Variants in WWOX observed in about 807,000 individuals in gnomAD.
The protein encoded by WWOX is WW domain-containing oxidoreductase.
Under a neutral mutation model 46.2 loss-of-function variants are expected in WWOX, and 69 were observed. That is an observed-to-expected ratio of 1.49 (90% CI 1.23 to 1.82). WWOX has a LOEUF of 1.82. WWOX is among the 40% of genes most tolerant of loss of function. WWOX has a pLI of 0.00. For missense variants in WWOX, 919 were observed against 542.6 expected (o/e 1.69, Z -6.89); for synonymous variants, 359 against 202.6 (o/e 1.77, Z -6.56).
intron 8 of WWOX, among the ~76,000 whole-genome samples, chr16:78,968,607 C>G (rs957050896): frequency 2.6e-5 from 4 of 152,204 alleles, no homozygotes; most frequent in Admixed American, 6.5e-5. Flanking sequence ...CCCAAGGACC[C>G]TGTTGAGAGG....
At chr16:78,338,219 A>C (rs1192317278) in intron 5 of WWOX, among the ~76,000 whole-genome samples, 1 of 120,748 alleles carries the variant, frequency 8.3e-6, no homozygotes, top group East Asian at 1.9e-4. Context: ...GCAGCATGCA[A>C]ATTTACTATC....
At chr16:78,128,237 C>G (rs2033442352) in intron 4 of WWOX, among the ~76,000 whole-genome samples, 1 of 151,890 alleles carries the variant, frequency 6.6e-6, no homozygotes. Context: ...CTGCAAATAT[C>G]TTCTTCAGGG....
intron 8 of WWOX, among the ~76,000 whole-genome samples, chr16:78,619,595 C>A (rs954727267): frequency 1.3e-5 from 2 of 151,608 alleles, no homozygotes; most frequent in Non-Finnish European, 2.9e-5. Context: ...TAAATGGAGG[C>A]AATAGTGATA....
intron 8 of WWOX, among the ~76,000 whole-genome samples, chr16:79,068,490 C>T (rs1261072761): frequency 2.0e-5 from 3 of 152,012 alleles, no homozygotes; most frequent in African/African-American, 7.2e-5. Context: ...TCAGAAAGCA[C>T]TGCACGTGTA....
At chr16:78,997,543 C>G (rs560745334) in intron 8 of WWOX, among the ~76,000 whole-genome samples, 2 of 152,194 alleles carry the variant, frequency 1.3e-5, no homozygotes, top group Admixed American at 6.5e-5. Flanking sequence ...CTGGCTTTCA[C>G]CTAAACAATA....
intron 8 of WWOX, among the ~76,000 whole-genome samples, chr16:78,478,233 C>T (rs4887963): frequency 0.018 from 2,726 of 152,250 alleles, 41 homozygotes; most frequent in Non-Finnish European, 0.031. Flanking sequence ...AAGGCTGTTA[C>T]AAAATACTGT....
At chr16:78,889,003 G>T (rs577672632) in intron 8 of WWOX, among the ~76,000 whole-genome samples, 5 of 151,788 alleles carry the variant, frequency 3.3e-5, no homozygotes, top group African/African-American at 7.3e-5. Context: ...ACCACCTCCA[G>T]CTCCCCCTAG....
chr16:78,130,409 G>C (rs993192442), intron 4 of WWOX, among the ~76,000 whole-genome samples: 2 of 152,144 alleles, frequency 1.3e-5, no homozygotes, highest in African/African-American at 2.4e-5. Context: ...TGACCATGCT[G>C]CCACCTTGAC....
chr16:78,650,278 G>C (rs2046937412), intron 8 of WWOX, among the ~76,000 whole-genome samples: 1 of 152,190 alleles, frequency 6.6e-6, no homozygotes, highest in Non-Finnish European at 1.5e-5. Flanking sequence ...TGAAGATGAA[G>C]AAGTATGTGT....
At chr16:78,456,332 G>A (rs1213985689) in intron 8 of WWOX, among the ~76,000 whole-genome samples, 1 of 152,174 alleles carries the variant, frequency 6.6e-6, no homozygotes, top group Admixed American at 6.5e-5. Flanking sequence ...TGAGAGGCAA[G>A]AGAAGAAAAT....
At chr16:79,157,492 C>G (rs956675628) in intron 8 of WWOX, among the ~76,000 whole-genome samples, 53 of 151,416 alleles carry the variant, frequency 3.5e-4, no homozygotes, top group African/African-American at 1.2e-3. Flanking sequence ...GAAGGTTGAA[C>G]TAGAATAGGT....
intron 8 of WWOX, among the ~76,000 whole-genome samples, chr16:79,053,905 G>C (rs1206967092): frequency 6.6e-6 from 1 of 152,064 alleles, no homozygotes; most frequent in Non-Finnish European, 1.5e-5. Flanking sequence ...CCCAGCCATA[G>C]AAAGTGAGAG....
chr16:78,821,164 A>G (rs1340299575), intron 8 of WWOX, among the ~76,000 whole-genome samples: 4 of 151,860 alleles, frequency 2.6e-5, no homozygotes, highest in African/African-American at 7.3e-5. Flanking sequence ...CCTTTCTCCT[A>G]TTTGCCTTCT....
intron 8 of WWOX, among the ~76,000 whole-genome samples, chr16:78,788,899 G>T (rs1000635558): frequency 6.6e-6 from 1 of 152,214 alleles, no homozygotes; most frequent in African/African-American, 2.4e-5. Context: ...ACTCCCAGCT[G>T]CTGTCCCCTG....
intron 8 of WWOX, among the ~76,000 whole-genome samples, chr16:78,881,497 A>G (rs990925002): frequency 1.3e-5 from 2 of 152,224 alleles, no homozygotes; most frequent in African/African-American, 4.8e-5. Context: ...TTAAATATTC[A>G]ACAAACAATT....
chr16:78,515,305 A>G (rs1419060770), intron 8 of WWOX, among the ~76,000 whole-genome samples: 2 of 152,328 alleles, frequency 1.3e-5, no homozygotes, highest in East Asian at 3.9e-4. Context: ...TTTTCTAATG[A>G]GAAAAAAATA....
Position 78,740,904 on chromosome 16 carries a change from C to T in WWOX, c.1056+308152C>T, listed in dbSNP as rs148011054. ...TCTACTCACCAGCCCCCACCAGAAA[C>T]CCTCACAGAAAAAATAAGAGTTTAT... On this transcript the variant is annotated intron_variant, in intron 8 of 8. Transcript: ENST00000566780. Among the ~76,000 whole-genome samples the T allele has an allele frequency of 3.4e-3, 525 of 152,190 alleles. 4 individuals carry two copies. The highest frequency in any genetic ancestry group is 0.017 in the Middle Eastern group (5 of 294).
intron 5 of WWOX, among the ~76,000 whole-genome samples, chr16:78,351,100 G>T (rs1428461007): frequency 6.6e-6 from 1 of 151,992 alleles, no homozygotes; most frequent in Admixed American, 6.6e-5. Context: ...TTTTTTCAGC[G>T]GTTATCAGGT....
chr16:78,829,453 A>T (rs1168389612), intron 8 of WWOX, among the ~76,000 whole-genome samples: 1 of 152,232 alleles, frequency 6.6e-6, no homozygotes, highest in Non-Finnish European at 1.5e-5. Context: ...ACTGATTCAA[A>T]GGTTAGTCTC....
Sources: gnomAD v4.1 joint callset for allele counts (sites outside exome capture counted in the v4.1 genomes callset) on GRCh38, gnomAD v4.1.1 for gene constraint, MANE v1.5 for transcripts, NCBI Gene and HGNC (gene_info 2026-07-23, HGNC 2026-07-21) for gene names.